SOX4: variants seen among roughly 807,000 people sequenced by gnomAD.
The protein encoded by SOX4 is SRY-box transcription factor 4.
For synonymous variants in SOX4, 465 were observed against 348.4 expected (o/e 1.33, Z -3.73); for missense variants, 662 against 694.9 (o/e 0.95, Z 0.53).
At position 21,595,097 on chromosome 6, in the gene SOX4, G is replaced by T; in HGVS notation, c.563G>T (p.Gly188Val). Reference sequence around the variant, plus strand: ...GGAGGCGGCGGTGCGAGTGGCGGCGGCGCCAACTCCAAACCGGCGCAGAAA... The same window carrying T: ...GGAGGCGGCGGTGCGAGTGGCGGCGTCGCCAACTCCAAACCGGCGCAGAAA... ...GGGGGGASGG[G>V]ANSKPAQKKS... The change falls in exon 1 of 1, where the codon GGC (glycine) becomes GTC (valine). Residue 188 changes from glycine to valine, a missense_variant. By Grantham distance (109) the Gly-to-Val change is moderately radical (BLOSUM62 -3). Coordinates refer to ENST00000244745, the MANE Select transcript of SOX4 (RefSeq NM_003107.3). The T allele has an allele frequency of 7.1e-7, 1 of 1,403,272 alleles. No individual in the cohort carries two copies. 86.9% of individuals were successfully genotyped at this position (1,403,272 alleles called of 1,614,324 possible).
rs781612610 is a variant in SOX4 at position 21,594,934 on chromosome 6, G to A, written c.400G>A (p.Val134Met). 2.5e-6 allele frequency: 4 copies of A among 1,611,776 alleles called. No homozygotes were observed. The highest frequency in any genetic ancestry group is 2.5e-6 in the Non-Finnish European group (3 of 1,179,108). Residue 134 changes from valine (V) to methionine (M), a missense_variant, in exon 1 of 1, where the codon GTG becomes ATG. By Grantham distance (21) the Val-to-Met change is conservative. Coordinates refer to ENST00000244745, the MANE Select transcript of SOX4 (RefSeq NM_003107.3). ...PDYKYRPRKKVKSGNANSSSS... is the reference protein window; with the variant it reads ...PDYKYRPRKKMKSGNANSSSS... Reference sequence around the variant, plus strand: ...CTACAAGTACCGGCCCAGGAAGAAGGTGAAGTCCGGCAACGCCAACTCCAG... The same window carrying A: ...CTACAAGTACCGGCCCAGGAAGAAGATGAAGTCCGGCAACGCCAACTCCAG...
At position 21,595,136 on chromosome 6, in the gene SOX4, C is replaced by G; in HGVS notation, c.602C>G (p.Ser201Cys). ...SKPAQKKSCG[S>C]KVAGGAGGGV... ...CCGGCGCAGAAAAAGAGCTGCGGCT[C>G]CAAAGTGGCGGGCGGCGCGGGCGGT... The change falls in exon 1 of 1, where the codon TCC (serine) becomes TGC (cysteine). Residue 201 changes from serine (S) to cysteine (C), a missense_variant. Coordinates refer to ENST00000244745, the MANE Select transcript of SOX4 (RefSeq NM_003107.3). 1 of 1,352,584 alleles carries G rather than the reference C, an allele frequency of 7.4e-7. No homozygotes were observed. Among genetic ancestry groups the G allele is most frequent in the South Asian group, 1.9e-5 (1 of 51,802 alleles). 83.8% of individuals were successfully genotyped at this position (1,352,584 alleles called of 1,614,324 possible).
Position 21,595,452 on chromosome 6 carries a change from G to A in SOX4, c.918G>A (p.Ser306=). ...TGTTCGGCGGCCTGGGCACGTCGTC[G>A]TCGCCCGTGGGCGGCGTGGGCGCGG... ...VYLFGGLGTS[S]SPVGGVGAGA... The change falls in exon 1 of 1, where the codon TCG becomes TCA. Residue 306 remains serine, a synonymous_variant. Transcript: ENST00000244745. The A allele has an allele frequency of 6.7e-7, 1 of 1,494,070 alleles. No homozygotes were observed. The highest frequency in any genetic ancestry group is 1.3e-5 in the South Asian group (1 of 79,726). The allele number at this position is 1,494,070 out of a possible 1,614,324, so 92.6% of individuals were successfully genotyped here. A position where few individuals can be genotyped will look rare whatever the true frequency, so the allele number is the denominator to read the frequency against.
In SOX4 at chr6:21,595,898, G is replaced by A. The variant is rs1248192845; in HGVS notation, c.1364G>A (p.Ser455Asn). The change falls in exon 1 of 1, where the codon AGC (serine) becomes AAC (asparagine). Residue 455 changes from serine to asparagine, a missense_variant. Transcript: ENST00000244745. ...CCGGACTACTGCACGCCCGAGGTGA[G>A]CGAGATGATCTCGGGAGACTGGCTC... is the stretch of plus-strand genomic sequence containing the variant. ...EFPDYCTPEV[S>N]EMISGDWLES... The A allele has an allele frequency of 6.2e-7, 1 of 1,603,932 alleles. No homozygotes were observed. Among genetic ancestry groups the A allele is most frequent in the East Asian group, 2.3e-5 (1 of 44,268 alleles).
At position 21,594,809 on chromosome 6, in the gene SOX4, G is replaced by A. The variant is rs1243585768; in HGVS notation, c.275G>A (p.Arg92Gln). The change falls in exon 1 of 1, where the codon CGG becomes CAG. Residue 92 changes from arginine to glutamine, a missense_variant. By Grantham distance (43) the Arg-to-Gln change is conservative. Coordinates refer to ENST00000244745, the MANE Select transcript of SOX4 (RefSeq NM_003107.3). ...ATGCACAACGCCGAGATCTCCAAGC[G>A]GCTGGGCAAACGCTGGAAGCTGCTC... ...PDMHNAEISKRLGKRWKLLKD... is the reference protein window; with the variant it reads ...PDMHNAEISKQLGKRWKLLKD... 1.2e-6 allele frequency: 2 copies of A among 1,609,192 alleles called. No individual in the cohort carries two copies. Among genetic ancestry groups the A allele is most frequent in the South Asian group, 1.1e-5 (1 of 90,198 alleles).
Position 21,595,535 on chromosome 6 carries a change from C to T in SOX4, c.1001C>T (p.Pro334Leu). Reference protein sequence around the residue: ...LYEEEGAGCSPDAPSLSGRSS... With the variant: ...LYEEEGAGCSLDAPSLSGRSS... ...GAGGAGGAGGGCGCGGGCTGCTCGC[C>T]CGACGCGCCCAGCCTGAGCGGCCGC... The change falls in exon 1 of 1, where the codon CCC becomes CTC. Residue 334 changes from proline (P) to leucine (L), a missense_variant. By Grantham distance (98) the Pro-to-Leu change is moderately conservative (BLOSUM62 -3). Transcript: ENST00000244745. The T allele has an allele frequency of 8.1e-7, 1 of 1,229,082 alleles. No homozygotes were observed. Among genetic ancestry groups the T allele is most frequent in the Non-Finnish European group, 1.0e-6 (1 of 983,814 alleles). 76.1% of individuals were successfully genotyped at this position (1,229,082 alleles called of 1,614,324 possible).
chr6:21,595,395 C>G lies in SOX4; in HGVS notation c.861C>G (p.His287Gln). 6 of 1,538,054 alleles carry G rather than the reference C, an allele frequency of 3.9e-6. No homozygotes were observed. The highest frequency in any genetic ancestry group is 2.6e-6 in the Non-Finnish European group (3 of 1,151,346). Reference sequence around the variant, plus strand: ...CAGCGCTCGCGGCCCCGGGCAAGCACCTGGCGGAGAAGAAGGTGAAGCGCG... The same window carrying G: ...CAGCGCTCGCGGCCCCGGGCAAGCAGCTGGCGGAGAAGAAGGTGAAGCGCG... ...ASAALAAPGK[H>Q]LAEKKVKRVY... Residue 287 changes from histidine (H) to glutamine (Q), a missense_variant, in exon 1 of 1, where the codon CAC becomes CAG. By Grantham distance (24) the His-to-Gln change is conservative. Transcript: ENST00000244745.
rs201405209 is a variant in SOX4 at position 21,595,718 on chromosome 6, C to T, written c.1184C>T (p.Ser395Leu). The T allele has an allele frequency of 6.2e-6, 10 of 1,609,332 alleles. No homozygotes were observed. The highest frequency in any genetic ancestry group is 8.5e-6 in the Non-Finnish European group (10 of 1,178,310). Reference sequence around the variant, plus strand: ...TCCTCTTCCTCCTCCTCGGGCTCCTCGTCCTCCGACGACGAGTTCGAAGAC... The same window carrying T: ...TCCTCTTCCTCCTCCTCGGGCTCCTTGTCCTCCGACGACGAGTTCGAAGAC... ...HSSSSSSSGS[S>L]SSDDEFEDDL... Residue 395 changes from serine to leucine, a missense_variant, in exon 1 of 1, where the codon TCG becomes TTG. Coordinates refer to ENST00000244745, the MANE Select transcript of SOX4 (RefSeq NM_003107.3).
chr6:21,594,564 C>T lies in SOX4; in HGVS notation c.30C>T (p.Asn10=), dbSNP rs1561756825. The change falls in exon 1 of 1, where the codon AAC becomes AAT. Residue 10 remains asparagine, a synonymous_variant. Coordinates refer to ENST00000244745, the MANE Select transcript of SOX4 (RefSeq NM_003107.3). The part of the protein sequence containing the change: MVQQTNNAE[N]TEALLAGESS... ...TGCAGCAAACCAACAATGCCGAGAA[C>T]ACGGAAGCGCTGCTGGCCGGCGAGA... The T allele has an allele frequency of 6.8e-6, 11 of 1,607,036 alleles. No homozygotes were observed. The highest frequency in any genetic ancestry group is 5.3e-5 in the African/African-American group (4 of 74,918).
rs1763096797 is a variant in SOX4, at chr6:21,594,624, C to G, written c.90C>G (p.Ile30Met). 6.2e-7 allele frequency: 1 copy of G among 1,607,112 alleles called. No individual in the cohort carries two copies. The highest frequency in any genetic ancestry group is 2.2e-5 in the East Asian group (1 of 44,552). The change falls in exon 1 of 1, where the codon ATC (isoleucine) becomes ATG (methionine). Residue 30 changes from isoleucine (I) to methionine (M), a missense_variant. Physicochemically the swap from Ile to Met is conservative, Grantham distance 10. Coordinates refer to ENST00000244745, the MANE Select transcript of SOX4 (RefSeq NM_003107.3). ...CGGGCGCCGGCCTCGAGCTGGGAAT[C>G]GCCTCCTCCCCCACGCCCGGCTCCA... ...SDSGAGLELG[I>M]ASSPTPGSTA...
At position 21,596,085 on chromosome 6, in the gene SOX4, C is replaced by G. The variant is rs1046668416; in HGVS notation, c.*126C>G. On this transcript the variant is annotated 3_prime_UTR_variant, in exon 1 of 1. Coordinates refer to ENST00000244745, the MANE Select transcript of SOX4 (RefSeq NM_003107.3). ...AGGGAAAAAAGAAAGAAAAAGTAAG[C>G]AGGGCTGGCTTCGCCCGCGTTCTCG... The G allele has an allele frequency of 9.5e-6, 13 of 1,364,138 alleles. No individual in the cohort carries two copies. The African/African-American group carries it at 1.4e-4, about 14-fold the overall frequency. The allele number at this position is 1,364,138 out of a possible 1,614,324, so 84.5% of individuals were successfully genotyped here.
rs1259346761 is a variant in SOX4 at position 21,596,908 on chromosome 6, A to C, written c.*949A>C. On this transcript the variant is annotated 3_prime_UTR_variant, in exon 1 of 1. Coordinates refer to ENST00000244745, the MANE Select transcript of SOX4 (RefSeq NM_003107.3). ...CCCAGACCCCGGAGGCGTGGAGGAG[A>C]GGAGACTGTTTGATGTGGTACAGGG... 6.1e-6 allele frequency: 1 copy of C among 163,950 alleles called. No homozygotes were observed. The highest frequency in any genetic ancestry group is 1.5e-5 in the Non-Finnish European group (1 of 67,648). The allele number at this position is 163,950 out of a possible 1,614,324, so 10.2% of individuals were successfully genotyped here. A position where few individuals can be genotyped will look rare whatever the true frequency, so the allele number is the denominator to read the frequency against.
chr6:21,595,317 G>A lies in SOX4; in HGVS notation c.783G>A (p.Lys261=). The change falls in exon 1 of 1, where the codon AAG becomes AAA. Residue 261 remains lysine (K), a synonymous_variant. Coordinates refer to ENST00000244745, the MANE Select transcript of SOX4 (RefSeq NM_003107.3). ...CCGCCGACCACCACTCGCTGTACAA[G>A]GCGCGGACTCCCAGCGCCTCGGCCT... is the stretch of plus-strand genomic sequence containing the variant. ...GAAADHHSLY[K]ARTPSASASA... 7 of 1,475,404 alleles carry A rather than the reference G, an allele frequency of 4.7e-6. No individual in the cohort carries two copies. The highest frequency in any genetic ancestry group is 6.3e-6 in the Non-Finnish European group (7 of 1,118,664). 91.4% of individuals were successfully genotyped at this position (1,475,404 alleles called of 1,614,324 possible).
At position 21,597,734 on chromosome 6, in the gene SOX4, G is replaced by T. The variant is rs1036285192; in HGVS notation, c.*1775G>T. On this transcript the variant is annotated 3_prime_UTR_variant, in exon 1 of 1. Coordinates refer to ENST00000244745, the MANE Select transcript of SOX4 (RefSeq NM_003107.3). ...ATATATAAAGGGGGTGTTAATCGGT[G>T]TAAATCGCTGTTTGGATTTCCTGAT... The T allele has an allele frequency of 1.8e-5, 3 of 166,906 alleles. No homozygotes were observed. Among genetic ancestry groups the T allele is most frequent in the Non-Finnish European group, 2.9e-5 (2 of 68,098 alleles). The allele number at this position is 166,906 out of a possible 1,614,324, so 10.3% of individuals were successfully genotyped here.
chr6:21,595,244 TCGCCGCCGAACAGGCGGGGGC>T lies in SOX4; in HGVS notation c.718_738del (p.Glu240_Ala246del), dbSNP rs886206478. On this transcript the variant is annotated inframe_deletion, in exon 1 of 1. Transcript: ENST00000244745. ...GCAGCGGCTGCCGCCGCCGCCTCCTTCGCCGCCGAACAGGCGGGGGCCGCCGCCCTGCTGCCCCTGGGCGCC... is the reference window on the plus strand; with the variant it reads ...GCAGCGGCTGCCGCCGCCGCCTCCTTCGCCGCCCTGCTGCCCCTGGGCGCC... 2 of 1,246,408 alleles carry T rather than the reference TCGCCGCCGAACAGGCGGGGGC, an allele frequency of 1.6e-6. No individual in the cohort carries two copies. The highest frequency in any genetic ancestry group is 2.0e-6 in the Non-Finnish European group (2 of 1,000,512). 77.2% of individuals were successfully genotyped at this position (1,246,408 alleles called of 1,614,324 possible). A position where few individuals can be genotyped will look rare whatever the true frequency, so the allele number is the denominator to read the frequency against.
chr6:21,595,790 T>C lies in SOX4; in HGVS notation c.1256T>C (p.Leu419Pro). The C allele has an allele frequency of 6.2e-7, 1 of 1,613,598 alleles. No individual in the cohort carries two copies. The highest frequency in any genetic ancestry group is 1.1e-5 in the South Asian group (1 of 91,066). The change falls in exon 1 of 1, where the codon CTG becomes CCG. Residue 419 changes from leucine to proline, a missense_variant. Transcript: ENST00000244745. Reference sequence around the variant, plus strand: ...AGCTCAAACTTTGAGAGCATGTCCCTGGGCAGCTTCAGTTCGTCGTCGGCG... The same window carrying C: ...AGCTCAAACTTTGAGAGCATGTCCCCGGGCAGCTTCAGTTCGTCGTCGGCG... ...NPSSNFESMS[L>P]GSFSSSSALD... is the part of the protein sequence containing the mutation.
chr6:21,595,890 C>T lies in SOX4; in HGVS notation c.1356C>T (p.Pro452=), dbSNP rs1268358699. The T allele has an allele frequency of 3.1e-6, 5 of 1,604,244 alleles. No homozygotes were observed. The highest frequency in any genetic ancestry group is 3.4e-6 in the Non-Finnish European group (4 of 1,175,924). ...TCGAGTTCCCGGACTACTGCACGCC[C>T]GAGGTGAGCGAGATGATCTCGGGAG... is the stretch of plus-strand genomic sequence containing the variant. ...SHFEFPDYCT[P]EVSEMISGDW... The change falls in exon 1 of 1, where the codon CCC becomes CCT. Residue 452 remains proline (P), a synonymous_variant. Coordinates refer to ENST00000244745, the MANE Select transcript of SOX4 (RefSeq NM_003107.3).
At position 21,594,788 on chromosome 6, in the gene SOX4, A is replaced by G; in HGVS notation, c.254A>G (p.His85Arg). Reference protein sequence around the residue: ...RKIMEQSPDMHNAEISKRLGK... With the variant: ...RKIMEQSPDMRNAEISKRLGK... ...ATCATGGAGCAGTCGCCCGACATGC[A>G]CAACGCCGAGATCTCCAAGCGGCTG... is the stretch of plus-strand genomic sequence containing the variant. Residue 85 changes from histidine to arginine, a missense_variant, in exon 1 of 1, where the codon CAC (histidine) becomes CGC (arginine). By Grantham distance (29) the His-to-Arg change is conservative. Transcript: ENST00000244745. The G allele has an allele frequency of 6.2e-7, 1 of 1,605,834 alleles. No homozygotes were observed. The highest frequency in any genetic ancestry group is 8.5e-7 in the Non-Finnish European group (1 of 1,176,326).
chr6:21,595,614 C>G lies in SOX4; in HGVS notation c.1080C>G (p.Gly360=). The G allele has an allele frequency of 7.8e-7, 1 of 1,285,038 alleles. No individual in the cohort carries two copies. The highest frequency in any genetic ancestry group is 1.5e-5 in the African/African-American group (1 of 65,522). The allele number at this position is 1,285,038 out of a possible 1,614,324, so 79.6% of individuals were successfully genotyped here. ...GCCGCTCGCCCGCCGACCACCGCGGCTACGCCAGCCTGCGCGCCGCCTCGC... is the reference window on the plus strand; with the variant it reads ...GCCGCTCGCCCGCCGACCACCGCGGGTACGCCAGCCTGCGCGCCGCCTCGC... The part of the protein sequence containing the change: ...AAGRSPADHR[G]YASLRAASPA... Residue 360 remains glycine, a synonymous_variant, in exon 1 of 1, where the codon GGC becomes GGG. Transcript: ENST00000244745.
Sources: gnomAD v4.1 joint callset for allele counts on GRCh38, gnomAD v4.1.1 for gene constraint, MANE v1.5 for transcripts, NCBI Gene and HGNC (gene_info 2026-07-23, HGNC 2026-07-21) for gene names.